Variants in CUX1 observed in about 807,000 individuals in gnomAD.
The protein encoded by CUX1 is cut like homeobox 1, also known as protein CASP.
CUX1 carries 31 observed loss-of-function variants against 158.8 expected under a neutral mutation model. The ratio of observed to expected loss-of-function variants is 0.20; its 90% CI spans 0.15 to 0.26. The LOEUF is 0.26. Ranked by LOEUF, CUX1 falls within the 10% of genes least tolerant of loss-of-function variation. The probability of loss-of-function intolerance (pLI) is 1.00; values close to 1 mark genes in which losing one functional copy is unlikely to be tolerated. For synonymous variants in CUX1, 879 were observed against 862.1 expected (o/e 1.02, Z -0.34); for missense variants, 1,589 against 2,014.6 (o/e 0.79, Z 4.04).
At chr7:102,208,585 G>A (rs1268269832) in intron 20 of CUX1, among the ~76,000 whole-genome samples, 1 of 152,176 alleles carries the variant, frequency 6.6e-6, no homozygotes, top group African/African-American at 2.4e-5. Flanking sequence ...GCTAACAGTG[G>A]TTTTTAGTAA....
At chr7:102,113,569 C>G (rs1313416759) in intron 7 of CUX1, among the ~76,000 whole-genome samples, 1 of 152,062 alleles carries the variant, frequency 6.6e-6, no homozygotes, top group African/African-American at 2.4e-5. Flanking sequence ...TTTTTTATTT[C>G]ATTTTAGAGA....
At chr7:101,894,715 C>T (rs1801277232) in intron 1 of CUX1, among the ~76,000 whole-genome samples, 1 of 152,334 alleles carries the variant, frequency 6.6e-6, no homozygotes, top group East Asian at 1.9e-4. Flanking sequence ...CAGCACGCTT[C>T]AATTCTGGTC....
intron 3 of CUX1, among the ~76,000 whole-genome samples, chr7:102,067,229 C>CT (rs34912215): frequency 0.5 from 46,551 of 93,594 alleles, 13,963 homozygotes; most frequent in East Asian, 0.92. Context: ...TTTCATGTAA[C>CT]TTTTTTTTTT....
intron 2 of CUX1, among the ~76,000 whole-genome samples, chr7:101,935,743 G>A (rs2129127408): frequency 6.6e-6 from 1 of 152,346 alleles, no homozygotes; most frequent in Non-Finnish European, 1.5e-5. Context: ...CTGGGGTGGT[G>A]TTGGGGACAG....
At chr7:102,247,280 C>G (rs542865949) in intron 23 of CUX1, among the ~76,000 whole-genome samples, 6 of 152,132 alleles carry the variant, frequency 3.9e-5, no homozygotes, top group Non-Finnish European at 8.8e-5. Context: ...ACCACAAGCC[C>G]CCAACCTGAC....
At chr7:102,132,704 CAG>C (rs1212910300) in intron 8 of CUX1, among the ~76,000 whole-genome samples, 2 of 104,902 alleles carry the variant, frequency 1.9e-5, no homozygotes, top group African/African-American at 7.7e-5. Context: ...TTTTTTGAGA[CAG>C]GGTCTCGCTC....
At chr7:102,067,229 C>CAT in intron 3 of CUX1, among the ~76,000 whole-genome samples, 1 of 94,032 alleles carries the variant, frequency 1.1e-5, no homozygotes, top group East Asian at 3.4e-4. Context: ...TTTCATGTAA[C>CAT]TTTTTTTTTT....
upstream of CUX1, chr7:101,816,879 G>A (rs1791875151): frequency 1.0e-6 from 1 of 976,238 alleles, no homozygotes; most frequent in Non-Finnish European, 1.2e-6. Context: ...GGCCCGGGCC[G>A]CGCCGCCGCT....
At chr7:101,998,613 GAGAA>G (rs1433137558) in intron 2 of CUX1, among the ~76,000 whole-genome samples, 1 of 152,214 alleles carries the variant, frequency 6.6e-6, no homozygotes, top group African/African-American at 2.4e-5. Context: ...TGAGGAAGAA[GAGAA>G]AGAGAGACTT....
At chr7:101,950,443 A>G (rs1808928231) in intron 2 of CUX1, among the ~76,000 whole-genome samples, 1 of 152,074 alleles carries the variant, frequency 6.6e-6, no homozygotes, top group Admixed American at 6.6e-5. Flanking sequence ...TAAAATACAC[A>G]TAACATAAAA....
At chr7:101,902,584 C>T (rs1444382863) in intron 1 of CUX1, among the ~76,000 whole-genome samples, 1 of 152,204 alleles carries the variant, frequency 6.6e-6, no homozygotes, top group Non-Finnish European at 1.5e-5. Flanking sequence ...TAGTTGGTCC[C>T]TGGAGCCAAT....
At chr7:102,258,819 T>G (rs1203552684), downstream of CUX1, among the ~76,000 whole-genome samples, 4 of 152,182 alleles carry the variant, frequency 2.6e-5, no homozygotes, top group African/African-American at 9.7e-5. Flanking sequence ...AGGCACCAGT[T>G]AATGCTTGCG....
intron 8 of CUX1, among the ~76,000 whole-genome samples, chr7:102,152,103 G>A (rs929879501): frequency 3.9e-5 from 6 of 152,048 alleles, no homozygotes; most frequent in African/African-American, 1.2e-4. Flanking sequence ...CCAGCTACTC[G>A]GGAGGCCAAG....
chr7:101,881,491 A>G (rs1158956873), intron 1 of CUX1, among the ~76,000 whole-genome samples: 1 of 152,200 alleles, frequency 6.6e-6, no homozygotes, highest in Non-Finnish European at 1.5e-5. Context: ...TCGCTGGCTC[A>G]GGAGCTTGGG....
At position 102,073,165 on chromosome 7, in the gene CUX1, C is replaced by CTTT. The variant is rs869202667; in HGVS notation, c.268+2770_268+2772dup. On this transcript the variant is annotated intron_variant, in intron 4 of 23. Coordinates refer to ENST00000292535, the MANE Select transcript of CUX1 (RefSeq NM_181552.4). ...AAATAATATGTAATCTCTTTTCTTT[C>CTTT]TTTTTTTTTTTTTTTTTTTTTTTTC... Among the ~76,000 whole-genome samples, 28 of 66,884 alleles carry CTTT rather than the reference C, an allele frequency of 4.2e-4. 3 individuals carry two copies. The highest frequency in any genetic ancestry group is 1.4e-3 in the African/African-American group (22 of 15,592). The allele number at this position is 66,884 out of a possible 152,430, so 43.9% of individuals were successfully genotyped here. A position where few individuals can be genotyped will look rare whatever the true frequency, so the allele number is the denominator to read the frequency against.
chr7:102,094,356 A>G (rs1300164199), intron 4 of CUX1, among the ~76,000 whole-genome samples: 2 of 152,230 alleles, frequency 1.3e-5, no homozygotes, highest in African/African-American at 4.8e-5. Context: ...CATAGGCATT[A>G]ACCTTTAATA....
intron 18 of CUX1, among the ~76,000 whole-genome samples, chr7:102,278,325 C>T (rs920783758): frequency 1.3e-5 from 2 of 152,248 alleles, no homozygotes; most frequent in East Asian, 1.9e-4. Flanking sequence ...CACGGTGGCT[C>T]ATGCCTGTCA....
chr7:102,278,031 A>G (rs1791734429), exon 18 of CUX1: 1 of 1,604,860 alleles, frequency 6.2e-7, no homozygotes, highest in Non-Finnish European at 8.5e-7. Flanking sequence ...AAGCTCTTTG[A>G]GAAGATCAAG....
Position 102,248,350 on chromosome 7 carries a change from GC to G in CUX1, c.3888-61del. 7.0e-7 allele frequency: 1 copy of G among 1,438,418 alleles called. No homozygotes were observed. Among genetic ancestry groups the G allele is most frequent in the African/African-American group, 1.4e-5 (1 of 68,994 alleles). The allele number at this position is 1,438,418 out of a possible 1,614,324, so 89.1% of individuals were successfully genotyped here. A position where few individuals can be genotyped will look rare whatever the true frequency, so the allele number is the denominator to read the frequency against. ...CAGAGAGAGGGGTCTGGCTGGGGTA[GC>G]ACCAGAGGCCCTTTCCCCAGCAGCA... On this transcript the variant is annotated intron_variant, in intron 23 of 23. Transcript: ENST00000292535. The surrounding 1 kb of genome is among the most constrained non-coding windows in gnomAD (Gnocchi z 5.8).
Sources: allele counts gnomAD v4.1 joint callset (sites outside exome capture counted in the v4.1 genomes callset), GRCh38; gene constraint gnomAD v4.1.1; non-coding constraint Gnocchi (gnomAD v3.1); transcripts MANE v1.5; gene names NCBI Gene and HGNC (gene_info 2026-07-23, HGNC 2026-07-21).